PIGG: variants seen among roughly 807,000 people sequenced by gnomAD.
PIGG encodes the protein phosphatidylinositol glycan anchor biosynthesis class G (EMM blood group).
PIGG carries 70 observed loss-of-function variants against 83.2 expected under a neutral mutation model. That is an observed-to-expected ratio of 0.84 (90% CI 0.69 to 1.03). The LOEUF (loss-of-function observed/expected upper bound fraction) is 1.03, where lower values mean the gene tolerates loss of function less well. Among genes scored for constraint, PIGG ranks in the 50% least tolerant of loss-of-function variants. The pLI is 0.00. For synonymous variants in PIGG, 532 were observed against 519.5 expected (o/e 1.02, Z -0.33); for missense variants, 1,257 against 1,233.6 (o/e 1.02, Z -0.28).
In PIGG at chr4:516,193, A is replaced by G. The variant is rs182522437; in HGVS notation, c.1114+8A>G. The G allele has an allele frequency of 2.9e-3, 4,585 of 1,595,816 alleles. 18 individuals carry two copies. Among genetic ancestry groups the G allele is most frequent in the Non-Finnish European group, 3.1e-3 (3,624 of 1,163,364 alleles). The stretch of plus-strand genomic sequence containing the variant: ...TGCCGTCATATGAAAAAGGTCAGTC[A>G]ACTCACCGTTTCGAGCTCTGTCAGA... On this transcript the variant is annotated splice_region_variant and intron_variant, in intron 6 of 12. Transcript: ENST00000453061.
intron 11 of PIGG, chr4:532,945 G>A (rs563985952): frequency 6.6e-6 from 1 of 151,872 alleles, no homozygotes; most frequent in African/African-American, 2.5e-5. Flanking sequence ...GGAAGGGTGT[G>A]GTCTTGGAGT....
In PIGG at chr4:502,980, G is replaced by A. The variant is rs184432905; in HGVS notation, c.360+2379G>A. Among the ~76,000 whole-genome samples, 593 of 151,962 alleles carry A rather than the reference G, an allele frequency of 3.9e-3. 7 individuals carry two copies. Among genetic ancestry groups the A allele is most frequent in the South Asian group, 0.035 (170 of 4,806 alleles). On this transcript the variant is annotated intron_variant, in intron 2 of 12. Coordinates refer to ENST00000453061, the MANE Select transcript of PIGG (RefSeq NM_001127178.3). ...ATGGAAACTGGGCCGAGTATATAAC[G>A]GAATCCACCAAGGAAGAAAGCGGAA...
intron 5 of PIGG, among the ~76,000 whole-genome samples, chr4:510,859 A>G (rs1331624559): frequency 6.8e-6 from 1 of 147,660 alleles, no homozygotes; most frequent in Non-Finnish European, 1.5e-5. Context: ...CCCTCCCCCA[A>G]CCCTAGGTAA....
In PIGG at chr4:539,177, C is replaced by T; in HGVS notation, c.2760C>T (p.Cys920=). ...TRSGSALSHA[C]FCYALICSIP... is the part of the protein sequence containing the mutation. ...GTGGTTCAGCACTGAGTCATGCTTGCTTCTGCTACGCACTGATTTGTTCTA... is the reference window on the plus strand; with the variant it reads ...GTGGTTCAGCACTGAGTCATGCTTGTTTCTGCTACGCACTGATTTGTTCTA... The change falls in exon 13 of 13, where the codon TGC becomes TGT. Residue 920 remains cysteine, a synonymous_variant. Transcript: ENST00000453061. 6.2e-7 allele frequency: 1 copy of T among 1,612,338 alleles called. No homozygotes were observed. The highest frequency in any genetic ancestry group is 1.1e-5 in the South Asian group (1 of 91,044).
At chr4:522,275 ACAGCCTCCCAG>A in intron 8 of PIGG, 1 of 554,030 alleles carries the variant, frequency 1.8e-6, no homozygotes, top group East Asian at 3.0e-5. Context: ...TGTGAATCGG[ACAGCCTCCCAG>A]CAGAGGTGTG....
chr4:499,624 AT>A (rs1303866622), intron 1 of PIGG, 135 bp downstream of exon 1: 11 of 1,416,554 alleles, frequency 7.8e-6, no homozygotes, highest in East Asian at 5.2e-5. Flanking sequence ...CACCTCAGAA[AT>A]TTTTTTTAAC....
intron 11 of PIGG, chr4:532,760 C>T (rs187121617): frequency 1.8e-4 from 27 of 152,472 alleles, no homozygotes; most frequent in African/African-American, 6.5e-4. Flanking sequence ...GAGGGATCTT[C>T]GTTGAGCTTG....
rs755547556 is a variant in PIGG at position 521,817 on chromosome 4, C to T, written c.1490C>T (p.Ser497Leu). 24 of 1,614,190 alleles carry T rather than the reference C, an allele frequency of 1.5e-5. No homozygotes were observed. Among genetic ancestry groups the T allele is most frequent in the Non-Finnish European group, 1.8e-5 (21 of 1,180,030 alleles). The change falls in exon 8 of 13, where the codon TCG (serine) becomes TTG (leucine). Residue 497 changes from serine to leucine, a missense_variant. Transcript: ENST00000453061. ...ATTGTGTGCACCTCAGCTGAAAGTT[C>T]GTGCTACTTCTGTGGCCTCTCGTGG... is the stretch of plus-strand genomic sequence containing the variant. Reference protein sequence around the residue: ...HVIVCTSAESSCYFCGLSWLA... With the variant: ...HVIVCTSAESLCYFCGLSWLA...
At chr4:530,307 G>T in intron 10 of PIGG, 129 bp from the exon 11 acceptor site, 1 of 666,788 alleles carries the variant, frequency 1.5e-6, no homozygotes, top group South Asian at 1.9e-5. Flanking sequence ...AGGGTGCCGC[G>T]GCTCCTTTAG....
chr4:512,300 A>T lies in PIGG; in HGVS notation c.901+3330A>T, dbSNP rs376689649. 4.5e-5 allele frequency among the ~76,000 whole-genome samples: 6 copies of T among 133,140 alleles called. No homozygotes were observed. In the East Asian group the frequency reaches 1.3e-3, roughly 29 times the overall value. The allele number at this position is 133,140 out of a possible 152,430, so 87.3% of individuals were successfully genotyped here. A position where few individuals can be genotyped will look rare whatever the true frequency, so the allele number is the denominator to read the frequency against. On this transcript the variant is annotated intron_variant, in intron 5 of 12. Coordinates refer to ENST00000453061, the MANE Select transcript of PIGG (RefSeq NM_001127178.3). Reference sequence around the variant, plus strand: ...AGTGACACGATCTCGGCTCACTGCCACCTCCGCCTCCCGGGTTCAAGCTAT... The same window carrying T: ...AGTGACACGATCTCGGCTCACTGCCTCCTCCGCCTCCCGGGTTCAAGCTAT...
intron 3 of PIGG, among the ~76,000 whole-genome samples, chr4:506,483 C>T (rs1457912025): frequency 2.6e-5 from 4 of 152,214 alleles, no homozygotes; most frequent in Non-Finnish European, 5.9e-5. Context: ...CCTGCCTGGC[C>T]TGGGGTTTAG....
At chr4:534,152 G>A (rs867551130) in intron 12 of PIGG, among the ~76,000 whole-genome samples, 171 bp downstream of exon 12, 6 of 152,226 alleles carry the variant, frequency 3.9e-5, no homozygotes, top group African/African-American at 4.8e-5. Flanking sequence ...GCCAGAAGCC[G>A]GCCTGAGGTG....
intron 2 of PIGG, 47 bp from the exon 3 acceptor site, chr4:505,671 T>C: frequency 1.5e-6 from 2 of 1,352,896 alleles, no homozygotes; most frequent in Non-Finnish European, 2.1e-6. Flanking sequence ...CTTTTCATGC[T>C]CCGGTTTTGG....
intron 6 of PIGG, among the ~76,000 whole-genome samples, chr4:519,339 C>T (rs1407280465): frequency 2.0e-5 from 3 of 152,230 alleles, no homozygotes; most frequent in Non-Finnish European, 4.4e-5. Context: ...ACGTCGTCCA[C>T]GCTCCATGGA....
At chr4:505,227 T>C (rs1262717935) in intron 2 of PIGG, among the ~76,000 whole-genome samples, 3 of 152,094 alleles carry the variant, frequency 2.0e-5, no homozygotes, top group Non-Finnish European at 4.4e-5. Context: ...TCTTGTCAGC[T>C]GGAAAGATTA....
At position 499,436 on chromosome 4, in the gene PIGG, C is replaced by T. The variant is rs1275275906; in HGVS notation, c.101C>T (p.Ser34Phe). 7 of 1,606,408 alleles carry T rather than the reference C, an allele frequency of 4.4e-6. No individual in the cohort carries two copies. The highest frequency in any genetic ancestry group is 5.9e-6 in the Non-Finnish European group (7 of 1,179,694). The change falls in exon 1 of 13, where the codon TCC (serine) becomes TTC (phenylalanine). Residue 34 changes from serine (S) to phenylalanine (F), a missense_variant. Physicochemically the swap from Ser to Phe is radical, Grantham distance 155 (BLOSUM62 -2). Coordinates refer to ENST00000453061, the MANE Select transcript of PIGG (RefSeq NM_001127178.3). ...GGATTCTTCCCGGCTCCCGTTCGTT[C>T]CTCTGCCAGAGCGGAACACGGAGCG... ...LRGFFPAPVR[S>F]SARAEHGAEP...
chr4:535,629 C>CT, intron 12 of PIGG, among the ~76,000 whole-genome samples: 1 of 152,308 alleles, frequency 6.6e-6, no homozygotes, highest in South Asian at 2.1e-4. Context: ...CTCCTACGTC[C>CT]TCCCATGACT....
intron 6 of PIGG, among the ~76,000 whole-genome samples, chr4:519,057 G>A (rs1032329613): frequency 1.3e-5 from 2 of 152,078 alleles, no homozygotes; most frequent in East Asian, 1.9e-4. Context: ...ACATTTCAGC[G>A]TAAACATCAG....
intron 11 of PIGG, chr4:533,166 G>C (rs1398907758): frequency 1.3e-5 from 2 of 153,150 alleles, no homozygotes; most frequent in African/African-American, 2.4e-5. Context: ...TTACCTACCA[G>C]GGCTGGGCCG....
Sources: gnomAD v4.1 joint callset for allele counts (sites outside exome capture counted in the v4.1 genomes callset) on GRCh38, gnomAD v4.1.1 for gene constraint, MANE v1.5 for transcripts, NCBI Gene and HGNC (gene_info 2026-07-23, HGNC 2026-07-21) for gene names.